Variants in PTPRM observed in about 807,000 individuals in gnomAD.
PTPRM encodes receptor-type tyrosine-protein phosphatase mu.
PTPRM carries 47 observed loss-of-function variants against 186.7 expected under a neutral mutation model. The ratio of observed to expected loss-of-function variants is 0.25; its 90% CI spans 0.20 to 0.32. PTPRM has a LOEUF of 0.32. PTPRM is among the 10% of genes least tolerant of loss of function. PTPRM has a pLI of 1.00. For missense variants in PTPRM, 1,494 were observed against 1,865.0 expected (o/e 0.80, Z 3.66); for synonymous variants, 668 against 674.9 (o/e 0.99, Z 0.16).
intron 1 of PTPRM, among the ~76,000 whole-genome samples, chr18:7,619,651 T>C (rs2143954552): frequency 6.6e-6 from 1 of 152,318 alleles, no homozygotes. Context: ...CACGCTCTCG[T>C]CATCTGTTTC....
chr18:8,133,747 G>A (rs2092571120), intron 13 of PTPRM, among the ~76,000 whole-genome samples: 1 of 152,084 alleles, frequency 6.6e-6, no homozygotes, highest in Non-Finnish European at 1.5e-5. Flanking sequence ...TTAGGAAAGG[G>A]GGTTGGAGTT....
At chr18:8,277,609 A>C (rs905538911) in intron 19 of PTPRM, among the ~76,000 whole-genome samples, 4 of 152,276 alleles carry the variant, frequency 2.6e-5, no homozygotes, top group Non-Finnish European at 5.9e-5. Context: ...ACATACTTCC[A>C]AAAGTTAATA....
chr18:8,271,999 G>A lies in PTPRM; in HGVS notation c.2754+18585G>A, dbSNP rs562698975. Among the ~76,000 whole-genome samples, 7 of 152,182 alleles carry A rather than the reference G, an allele frequency of 4.6e-5. No homozygotes were observed. In the South Asian group the frequency reaches 1.2e-3, roughly 27 times the overall value. ...GGCCGAGGCAGGCGGATCACCTGAG[G>A]TCAGGAGATTGAGACCATCCTGGTT... is the stretch of plus-strand genomic sequence containing the variant. On this transcript the variant is annotated intron_variant, in intron 19 of 32. Coordinates refer to ENST00000580170, the MANE Select transcript of PTPRM (RefSeq NM_001105244.2).
chr18:8,099,133 GTCTCTTTC>G (rs2091160490), intron 11 of PTPRM, among the ~76,000 whole-genome samples: 1 of 150,694 alleles, frequency 6.6e-6, no homozygotes, highest in Non-Finnish European at 1.5e-5. Context: ...TCTCTCCACA[GTCTCTTTC>G]TCTCTCTCTC....
rs960741645 is a variant in PTPRM at position 8,202,515 on chromosome 18, G to A, written c.2301-41543G>A. Among the ~76,000 whole-genome samples, 5 of 151,928 alleles carry A rather than the reference G, an allele frequency of 3.3e-5. No individual in the cohort carries two copies. In the South Asian group the frequency reaches 6.2e-4, roughly 19 times the overall value. On this transcript the variant is annotated intron_variant, in intron 14 of 32. Coordinates refer to ENST00000580170, the MANE Select transcript of PTPRM (RefSeq NM_001105244.2). ...TCCATATGCAAAAAAGTGGGGAGAG[G>A]GGAGAAAGATTAAGATGTTTCTGTC...
At chr18:7,683,107 C>T (rs1260643331) in intron 1 of PTPRM, among the ~76,000 whole-genome samples, 2 of 151,458 alleles carry the variant, frequency 1.3e-5, no homozygotes, top group Non-Finnish European at 2.9e-5. Flanking sequence ...GTCAGGCTTG[C>T]CATGCACATT....
In PTPRM at chr18:7,951,632, G is replaced by A. The variant is rs560977296; in HGVS notation, c.838+2277G>A. Among the ~76,000 whole-genome samples the A allele has an allele frequency of 1.6e-3, 237 of 152,040 alleles. 1 individual carries two copies. Among genetic ancestry groups the A allele is most frequent in the African/African-American group, 5.4e-3 (223 of 41,470 alleles). ...TTACCAGGGACTTATTTCCATTTCC[G>A]CACACTGCCACAGCTCATGACAATT... On this transcript the variant is annotated intron_variant, in intron 6 of 32. Transcript: ENST00000580170.
At chr18:8,235,903 T>G (rs1207014928) in intron 14 of PTPRM, among the ~76,000 whole-genome samples, 1 of 152,200 alleles carries the variant, frequency 6.6e-6, no homozygotes, top group African/African-American at 2.4e-5. Context: ...ATGTTACTGA[T>G]TTCTAATTTA....
intron 4 of PTPRM, among the ~76,000 whole-genome samples, chr18:7,913,799 T>C (rs1758746877): frequency 1.3e-5 from 2 of 152,070 alleles, no homozygotes; most frequent in South Asian, 4.1e-4. Flanking sequence ...ATTATTTTGA[T>C]GCCAATTTAA....
chr18:7,840,744 G>A (rs764502122), intron 2 of PTPRM, among the ~76,000 whole-genome samples: 3 of 152,230 alleles, frequency 2.0e-5, no homozygotes, highest in African/African-American at 7.2e-5. Context: ...AAAGCCATTG[G>A]AAACATATGG....
chr18:8,216,429 A>C (rs1045637670), intron 14 of PTPRM, among the ~76,000 whole-genome samples: 1 of 152,232 alleles, frequency 6.6e-6, no homozygotes, highest in Non-Finnish European at 1.5e-5. Flanking sequence ...TCTACATATA[A>C]CAGTAATAGC....
intron 24 of PTPRM, among the ~76,000 whole-genome samples, chr18:8,373,610 C>T (rs1023203297): frequency 1.3e-5 from 2 of 152,194 alleles, no homozygotes; most frequent in East Asian, 3.8e-4. Context: ...AGAAGATGAT[C>T]CTCCTGTCTC....
At chr18:7,707,467 AAAT>A (rs140187676) in intron 1 of PTPRM, among the ~76,000 whole-genome samples, 2 of 151,122 alleles carry the variant, frequency 1.3e-5, no homozygotes, top group African/African-American at 4.9e-5. Flanking sequence ...CCCTTCTCTA[AAAT>A]AATAATAATA....
At chr18:7,882,822 C>T (rs1346620728) in intron 2 of PTPRM, among the ~76,000 whole-genome samples, 1 of 152,156 alleles carries the variant, frequency 6.6e-6, no homozygotes, top group Non-Finnish European at 1.5e-5. Context: ...CACACCAATG[C>T]AAATTTTAAT....
At chr18:7,747,192 T>C (rs113429966) in intron 1 of PTPRM, among the ~76,000 whole-genome samples, 320 of 152,290 alleles carry the variant, frequency 2.1e-3, no homozygotes, top group African/African-American at 3.9e-3. Context: ...GTATGGGACA[T>C]GTAAGGAGTC....
At chr18:8,327,228 G>A (rs1479852080) in intron 22 of PTPRM, among the ~76,000 whole-genome samples, 1 of 152,186 alleles carries the variant, frequency 6.6e-6, no homozygotes, top group Non-Finnish European at 1.5e-5. Context: ...TTTATGCTCA[G>A]AGGATCCAGA....
chr18:7,898,635 C>T (rs966411371), intron 3 of PTPRM, among the ~76,000 whole-genome samples: 8 of 152,154 alleles, frequency 5.3e-5, no homozygotes, highest in Non-Finnish European at 8.8e-5. Context: ...GCTTTTCCCA[C>T]AGTCTCCAAA....
intron 1 of PTPRM, among the ~76,000 whole-genome samples, chr18:7,686,306 C>T (rs1203135773): frequency 6.6e-6 from 1 of 152,144 alleles, no homozygotes; most frequent in Non-Finnish European, 1.5e-5. Flanking sequence ...CTGATGTTTA[C>T]TGTAGAATCT....
intron 9 of PTPRM, among the ~76,000 whole-genome samples, chr18:8,082,968 T>G (rs1303931331): frequency 6.6e-6 from 1 of 152,094 alleles, no homozygotes; most frequent in East Asian, 1.9e-4. Context: ...CATCCTCTTT[T>G]TTTTATATCC....
Sources: allele counts gnomAD v4.1 joint callset (sites outside exome capture counted in the v4.1 genomes callset), GRCh38; gene constraint gnomAD v4.1.1; transcripts MANE v1.5; gene names NCBI Gene and HGNC (gene_info 2026-07-23, HGNC 2026-07-21).